SGCZ: variants seen among roughly 807,000 people sequenced by gnomAD.
The protein encoded by SGCZ is zeta-sarcoglycan.
SGCZ carries 40 observed loss-of-function variants against 41.3 expected under a neutral mutation model. The observed-to-expected ratio is 0.97, with a 90% CI of 0.75 to 1.26. The LOEUF (loss-of-function observed/expected upper bound fraction) is 1.26, where lower values mean the gene tolerates loss of function less well. Among genes scored for constraint, SGCZ ranks in the 50% most tolerant of loss-of-function variants. The pLI is 0.00. For synonymous variants in SGCZ, 206 were observed against 137.5 expected (o/e 1.50, Z -3.49); for missense variants, 552 against 369.8 (o/e 1.49, Z -4.04).
At chr8:15,019,381 G>A (rs942079127) in intron 1 of SGCZ, among the ~76,000 whole-genome samples, 2 of 152,172 alleles carry the variant, frequency 1.3e-5, no homozygotes, top group East Asian at 3.9e-4. Flanking sequence ...GCACCCGAGT[G>A]GAAGTTAGAG....
intron 1 of SGCZ, among the ~76,000 whole-genome samples, chr8:14,826,062 A>G (rs1802297793): frequency 6.6e-6 from 1 of 150,472 alleles, no homozygotes; most frequent in Non-Finnish European, 1.5e-5. Context: ...AGCATTAGGC[A>G]TATCTCCTAA....
chr8:15,236,915 C>G (rs1239014397), intron 1 of SGCZ, among the ~76,000 whole-genome samples: 2 of 152,154 alleles, frequency 1.3e-5, no homozygotes, highest in African/African-American at 2.4e-5. Context: ...TCCCCGCCCC[C>G]TGCCCGAGTC....
chr8:14,948,903 T>TC (rs1219929384), intron 1 of SGCZ, among the ~76,000 whole-genome samples: 5 of 151,550 alleles, frequency 3.3e-5, no homozygotes, highest in Admixed American at 6.6e-5. Context: ...CTCTCAAAAT[T>TC]CCCCTTGAAA....
chr8:14,786,048 A>G (rs1401289219), intron 1 of SGCZ, among the ~76,000 whole-genome samples: 2 of 131,942 alleles, frequency 1.5e-5, no homozygotes, highest in Admixed American at 1.4e-4. Context: ...TTAAGACTTT[A>G]TTGTCCTAAT....
intron 3 of SGCZ, among the ~76,000 whole-genome samples, chr8:14,242,318 G>A (rs1186818969): frequency 6.6e-6 from 1 of 152,120 alleles, no homozygotes; most frequent in Non-Finnish European, 1.5e-5. Context: ...GCCAGATACT[G>A]CTCTAAATAC....
At chr8:15,096,332 C>A (rs181233493) in intron 1 of SGCZ, among the ~76,000 whole-genome samples, 129 of 152,142 alleles carry the variant, frequency 8.5e-4, no homozygotes, top group African/African-American at 3.0e-3. Flanking sequence ...AAGTGATCCA[C>A]CTGCCTCCAT....
chr8:14,949,943 A>G (rs1325860419), intron 1 of SGCZ, among the ~76,000 whole-genome samples: 2 of 152,120 alleles, frequency 1.3e-5, no homozygotes, highest in African/African-American at 4.8e-5. Flanking sequence ...AAATGTAAAT[A>G]GAAGTGAACT....
chr8:14,478,402 C>G (rs1801424210), intron 2 of SGCZ, among the ~76,000 whole-genome samples: 1 of 152,150 alleles, frequency 6.6e-6, no homozygotes, highest in Non-Finnish European at 1.5e-5. Flanking sequence ...ATCTCATATA[C>G]GTGTTTCTAA....
chr8:14,491,376 G>C (rs1801838402), intron 2 of SGCZ, among the ~76,000 whole-genome samples: 1 of 150,974 alleles, frequency 6.6e-6, no homozygotes, highest in Non-Finnish European at 1.5e-5. Flanking sequence ...ACTCACTTCT[G>C]TAATTTATCA....
At chr8:15,235,610 G>C (rs947791392) in intron 1 of SGCZ, among the ~76,000 whole-genome samples, 1 of 152,118 alleles carries the variant, frequency 6.6e-6, no homozygotes, top group East Asian at 1.9e-4. Flanking sequence ...ATTAAGCTGA[G>C]ATCTTCTACT....
At chr8:14,148,483 G>A (rs950735858) in intron 5 of SGCZ, among the ~76,000 whole-genome samples, 1 of 151,904 alleles carries the variant, frequency 6.6e-6, no homozygotes, top group African/African-American at 2.4e-5. Context: ...ACTGAGCCAA[G>A]AAGAGATCCA....
At chr8:14,542,705 A>C (rs1172348305) in intron 2 of SGCZ, among the ~76,000 whole-genome samples, 6 of 152,026 alleles carry the variant, frequency 3.9e-5, no homozygotes, top group Non-Finnish European at 5.9e-5. Flanking sequence ...AATTAGGATA[A>C]TTGTAGAAAC....
chr8:14,723,670 C>A (rs1202593220), intron 1 of SGCZ, among the ~76,000 whole-genome samples: 2 of 150,784 alleles, frequency 1.3e-5, no homozygotes, highest in African/African-American at 4.9e-5. Context: ...ATATATTTAT[C>A]TATATATATA....
intron 3 of SGCZ, among the ~76,000 whole-genome samples, chr8:14,290,933 T>C (rs1026778773): frequency 6.6e-6 from 1 of 152,108 alleles, no homozygotes; most frequent in African/African-American, 2.4e-5. Context: ...AAATATGGAA[T>C]CACCCTAAAA....
chr8:14,362,948 T>G (rs530996793), intron 2 of SGCZ, among the ~76,000 whole-genome samples: 1 of 152,354 alleles, frequency 6.6e-6, no homozygotes, highest in Non-Finnish European at 1.5e-5. Context: ...TAGTACAATG[T>G]GGTAAGATGT....
At chr8:14,514,690 T>G (rs1051197500) in intron 2 of SGCZ, among the ~76,000 whole-genome samples, 3 of 149,216 alleles carry the variant, frequency 2.0e-5, no homozygotes, top group African/African-American at 7.3e-5. Flanking sequence ...TACGTATATA[T>G]TTACATATAT....
chr8:14,166,099 C>T (rs959385223), intron 4 of SGCZ, among the ~76,000 whole-genome samples: 1 of 151,952 alleles, frequency 6.6e-6, no homozygotes, highest in Admixed American at 6.6e-5. Context: ...GCTTCCAGGA[C>T]CACATAAAAA....
intron 2 of SGCZ, among the ~76,000 whole-genome samples, chr8:14,366,877 G>A (rs1803727977): frequency 6.6e-6 from 1 of 152,136 alleles, no homozygotes; most frequent in African/African-American, 2.4e-5. Flanking sequence ...GGCCTGTGAT[G>A]GGAGGGGCTG....
chr8:14,818,451 C>T (rs905720616), intron 1 of SGCZ, among the ~76,000 whole-genome samples: 7 of 152,018 alleles, frequency 4.6e-5, no homozygotes, highest in African/African-American at 1.7e-4. Context: ...CAAATCGACA[C>T]CAAAGAACCC....
Sources: gnomAD v4.1 joint callset for allele counts (sites outside exome capture counted in the v4.1 genomes callset) on GRCh38, gnomAD v4.1.1 for gene constraint, MANE v1.5 for transcripts, NCBI Gene and HGNC (gene_info 2026-07-23, HGNC 2026-07-21) for gene names.